CCSER1: variants seen among roughly 807,000 people sequenced by gnomAD.
CCSER1 encodes the protein serine-rich coiled-coil domain-containing protein 1.
In CCSER1, 41 loss-of-function variants were observed where a neutral mutation model predicts 82.0. That is an observed-to-expected ratio of 0.50 (90% CI 0.39 to 0.65). The LOEUF (loss-of-function observed/expected upper bound fraction) is 0.65, where lower values mean the gene tolerates loss of function less well. CCSER1 is among the 30% of genes least tolerant of loss of function. The pLI is 0.00. For synonymous variants in CCSER1, 414 were observed against 383.9 expected (o/e 1.08, Z -0.92); for missense variants, 1,119 against 1,064.2 (o/e 1.05, Z -0.72).
chr4:91,560,845 C>T (rs1466131850), intron 10 of CCSER1, among the ~76,000 whole-genome samples: 1 of 151,216 alleles, frequency 6.6e-6, no homozygotes. Context: ...TAAAGAACAA[C>T]ATATTGTTCT....
At chr4:91,172,828 A>C (rs1732903978) in intron 10 of CCSER1, among the ~76,000 whole-genome samples, 1 of 70,214 alleles carries the variant, frequency 1.4e-5, no homozygotes. Flanking sequence ...AAACTGTGTT[A>C]ATGTAAAAAA....
At chr4:90,326,321 G>A (rs7693226) in intron 3 of CCSER1, among the ~76,000 whole-genome samples, 99,868 of 151,856 alleles carry the variant, frequency 0.66, 34,336 homozygotes, top group African/African-American at 0.86. Context: ...CGGCCTCCCA[G>A]AGTGCTGGGA....
At chr4:90,412,885 T>C (rs751836455) in intron 4 of CCSER1, among the ~76,000 whole-genome samples, 3 of 152,102 alleles carry the variant, frequency 2.0e-5, no homozygotes, top group Non-Finnish European at 2.9e-5. Flanking sequence ...CTATTCAACA[T>C]GGTACTGGAA....
intron 6 of CCSER1, among the ~76,000 whole-genome samples, chr4:90,653,662 A>G (rs1455800648): frequency 6.6e-6 from 1 of 152,110 alleles, no homozygotes; most frequent in Admixed American, 6.5e-5. Flanking sequence ...TTCCTATTTT[A>G]TATAACTTGA....
At chr4:91,540,493 G>C (rs77257932) in intron 10 of CCSER1, among the ~76,000 whole-genome samples, 10,587 of 152,040 alleles carry the variant, frequency 0.07, 551 homozygotes, top group South Asian at 0.16. Flanking sequence ...TATTTTTTCC[G>C]AATGTGAGGC....
chr4:90,840,888 T>A (rs1701697414), intron 8 of CCSER1, among the ~76,000 whole-genome samples: 1 of 152,006 alleles, frequency 6.6e-6, no homozygotes, highest in African/African-American at 2.4e-5. Flanking sequence ...CAGAAAAAAA[T>A]TTTCAACCTC....
intron 10 of CCSER1, among the ~76,000 whole-genome samples, chr4:91,225,693 C>T (rs1233581616): frequency 1.3e-5 from 2 of 151,732 alleles, no homozygotes; most frequent in South Asian, 2.1e-4. Flanking sequence ...TTGCCATAAC[C>T]TTAATTTTCA....
chr4:90,883,492 G>T (rs1721647469), intron 8 of CCSER1, among the ~76,000 whole-genome samples: 1 of 150,798 alleles, frequency 6.6e-6, no homozygotes, highest in African/African-American at 2.4e-5. Flanking sequence ...CACTCTCAAA[G>T]CAAGAGATCC....
At chr4:90,633,524 C>G (rs1477724913) in intron 6 of CCSER1, among the ~76,000 whole-genome samples, 3 of 151,812 alleles carry the variant, frequency 2.0e-5, no homozygotes, top group African/African-American at 4.8e-5. Flanking sequence ...GCTAAATCTT[C>G]CAGATTAGAA....
At chr4:91,402,054 A>G (rs1191810662) in intron 10 of CCSER1, among the ~76,000 whole-genome samples, 1 of 152,196 alleles carries the variant, frequency 6.6e-6, no homozygotes, top group East Asian at 1.9e-4. Flanking sequence ...CATCCTCTCC[A>G]GCACCTGTTT....
chr4:91,577,947 T>C (rs908830084), intron 10 of CCSER1, among the ~76,000 whole-genome samples: 5 of 152,060 alleles, frequency 3.3e-5, no homozygotes, highest in Non-Finnish European at 5.9e-5. Context: ...GGACATTTTA[T>C]GTCAATGTTT....
chr4:90,439,389 T>C (rs1759528179), intron 4 of CCSER1, among the ~76,000 whole-genome samples: 1 of 152,216 alleles, frequency 6.6e-6, no homozygotes, highest in South Asian at 2.1e-4. Context: ...ATTTAGGTTA[T>C]TGTTGTTATA....
chr4:91,435,073 G>T (rs1217817803), intron 10 of CCSER1, among the ~76,000 whole-genome samples: 14 of 152,132 alleles, frequency 9.2e-5, no homozygotes. Flanking sequence ...AAGGTTTGGT[G>T]GCAGCAGCTG....
At chr4:90,780,690 CA>C in intron 7 of CCSER1, 3 of 1,316,364 alleles carry the variant, frequency 2.3e-6, no homozygotes, top group Non-Finnish European at 2.9e-6. Flanking sequence ...GCTCTGTAAG[CA>C]AGACAAACGG....
At chr4:90,382,769 TATG>T (rs1303515985) in intron 3 of CCSER1, among the ~76,000 whole-genome samples, 1 of 152,096 alleles carries the variant, frequency 6.6e-6, no homozygotes, top group African/African-American at 2.4e-5. Flanking sequence ...ATGACACCAA[TATG>T]ATACTTTTAA....
intron 1 of CCSER1, among the ~76,000 whole-genome samples, chr4:90,224,028 A>G (rs940993821): frequency 6.6e-6 from 1 of 152,234 alleles, no homozygotes; most frequent in Admixed American, 6.5e-5. Context: ...GGAAGTTGCT[A>G]ATGTAAGTGC....
chr4:91,199,188 G>A (rs1482499892), intron 10 of CCSER1, among the ~76,000 whole-genome samples: 2 of 152,108 alleles, frequency 1.3e-5, no homozygotes, highest in Admixed American at 1.3e-4. Context: ...TGCAGGAAAT[G>A]ATGGCTTGTC....
intron 9 of CCSER1, among the ~76,000 whole-genome samples, chr4:91,039,503 GTTCT>G (rs1346671808): frequency 6.6e-6 from 1 of 151,868 alleles, no homozygotes; most frequent in African/African-American, 2.4e-5. Flanking sequence ...AGCCTACCTT[GTTCT>G]TTCTAATAGC....
At chr4:90,855,090 GC>G (rs1014082728) in intron 8 of CCSER1, among the ~76,000 whole-genome samples, 1 of 152,030 alleles carries the variant, frequency 6.6e-6, no homozygotes, top group African/African-American at 2.4e-5. Context: ...GAGGAAGTCT[GC>G]CCCCATGATC....
Sources: allele counts gnomAD v4.1 joint callset (sites outside exome capture counted in the v4.1 genomes callset), GRCh38; gene constraint gnomAD v4.1.1; transcripts MANE v1.5; gene names NCBI Gene and HGNC (gene_info 2026-07-23, HGNC 2026-07-21).